The following XRN2 variants were observed in gnomAD, a reference collection of about 807,000 sequenced individuals.
XRN2 encodes DHM1-like protein.
XRN2 carries 44 observed loss-of-function variants against 138.5 expected under a neutral mutation model. The observed-to-expected ratio is 0.32, with a 90% CI of 0.25 to 0.41. XRN2 has a LOEUF of 0.41. Ranked by LOEUF, XRN2 falls within the 10% of genes least tolerant of loss-of-function variation. The probability of loss-of-function intolerance (pLI) is 1.00; values close to 1 mark genes in which losing one functional copy is unlikely to be tolerated. For synonymous variants in XRN2, 354 were observed against 369.4 expected, an observed-to-expected ratio of 0.96 and a Z score of 0.48; for missense variants, 937 against 1,169.3, an observed-to-expected ratio of 0.80 and a Z score of 2.90.
At chr20:21,336,742 G>C (rs770731040) in intron 13 of XRN2, among the ~76,000 whole-genome samples, 13 of 152,152 alleles carry the variant, frequency 8.5e-5, no homozygotes, top group Non-Finnish European at 1.8e-4. Context: ...AAGTGTTAGA[G>C]AATAAGTGCC....
chr20:21,343,817 C>CT (rs569383604), intron 15 of XRN2, among the ~76,000 whole-genome samples: 3 of 150,722 alleles, frequency 2.0e-5, no homozygotes, highest in Admixed American at 6.6e-5. Context: ...AAAATTAAAA[C>CT]TTTTTTTTTC....
rs147816598 is a variant in XRN2 at position 21,329,516 on chromosome 20, C to T, written c.427+846C>T. On this transcript the variant is annotated intron_variant, in intron 4 of 29. Coordinates refer to ENST00000377191, the MANE Select transcript of XRN2 (RefSeq NM_012255.5). ...CCATAGTATAGCCAGCTCAGGCCTGCAATTACAATAAATTTTATATTACTT... is the reference window on the plus strand; with the variant it reads ...CCATAGTATAGCCAGCTCAGGCCTGTAATTACAATAAATTTTATATTACTT... Among the ~76,000 whole-genome samples the T allele has an allele frequency of 7.6e-4, 116 of 152,284 alleles. No individual in the cohort carries two copies. The East Asian group carries it at 0.021, about 27-fold the overall frequency.
At chr20:21,325,823 G>A (rs1248435091) in intron 1 of XRN2, among the ~76,000 whole-genome samples, 1 of 152,246 alleles carries the variant, frequency 6.6e-6, no homozygotes, top group African/African-American at 2.4e-5. Context: ...CTGGAGACCA[G>A]AGAGTCTAGA....
chr20:21,334,399 T>C (rs1312711546), intron 13 of XRN2, among the ~76,000 whole-genome samples: 1 of 152,208 alleles, frequency 6.6e-6, no homozygotes, highest in Non-Finnish European at 1.5e-5. Context: ...TGAGTTGCAT[T>C]GTAATGTTTT....
chr20:21,324,471 T>C (rs1224041537), intron 1 of XRN2, among the ~76,000 whole-genome samples: 1 of 151,206 alleles, frequency 6.6e-6, no homozygotes, highest in Non-Finnish European at 1.5e-5. Flanking sequence ...TTCATAACTT[T>C]CTGTAAGTGG....
chr20:21,342,773 A>G (rs2038388572), intron 15 of XRN2, among the ~76,000 whole-genome samples: 1 of 152,228 alleles, frequency 6.6e-6, no homozygotes, highest in South Asian at 2.1e-4. Flanking sequence ...TCCCCATTTT[A>G]AGATGAGGCT....
intron 15 of XRN2, among the ~76,000 whole-genome samples, chr20:21,342,441 C>T (rs572168158): frequency 8.5e-5 from 13 of 152,110 alleles, no homozygotes; most frequent in South Asian, 2.1e-4. Flanking sequence ...GAGACAGCAG[C>T]GGAGATTTAG....
chr20:21,347,410 G>A (rs1039840079), intron 17 of XRN2, among the ~76,000 whole-genome samples: 8 of 152,254 alleles, frequency 5.3e-5, no homozygotes, highest in South Asian at 2.1e-4. Context: ...ATCTGGTTTC[G>A]TGCTTAGAGA....
intron 27 of XRN2, 97 bp downstream of exon 27, chr20:21,368,687 A>G (rs1186513675): frequency 6.8e-7 from 1 of 1,473,040 alleles, no homozygotes; most frequent in Non-Finnish European, 9.1e-7. Context: ...TTGTTGTATC[A>G]GTGCAGACAG....
chr20:21,310,105 A>G (rs1012741252), intron 1 of XRN2, among the ~76,000 whole-genome samples: 1 of 152,142 alleles, frequency 6.6e-6, no homozygotes, highest in Non-Finnish European at 1.5e-5. Flanking sequence ...TGCCTTCTAG[A>G]TATTGTTTAA....
chr20:21,337,430 G>T (rs1350352103), intron 13 of XRN2, among the ~76,000 whole-genome samples: 1 of 152,200 alleles, frequency 6.6e-6, no homozygotes, highest in Non-Finnish European at 1.5e-5. Flanking sequence ...GGAAAGACTG[G>T]GAGGTGCAAA....
intron 13 of XRN2, among the ~76,000 whole-genome samples, chr20:21,336,778 A>C (rs950537258): frequency 6.6e-6 from 1 of 152,320 alleles, no homozygotes. Context: ...GCAGGTGAGG[A>C]GGCATCTGGG....
chr20:21,366,552 C>T (rs958547057), intron 26 of XRN2, among the ~76,000 whole-genome samples: 4 of 149,496 alleles, frequency 2.7e-5, no homozygotes, highest in South Asian at 2.1e-4. Context: ...GGGAGACTTC[C>T]GTCTCAACCA....
rs930806649 is a variant in XRN2 at position 21,356,767 on chromosome 20, A to G, written c.2198+102A>G. The stretch of plus-strand genomic sequence containing the variant: ...TTTATTTTCTAATAATAGTGAGAAA[A>G]TTGTATTTAAAATAAGACAAAACCT... On this transcript the variant is annotated intron_variant, in intron 23 of 29. Transcript: ENST00000377191. 10 of 1,021,274 alleles carry G rather than the reference A, an allele frequency of 9.8e-6. No homozygotes were observed. In the South Asian group the frequency reaches 1.5e-4, roughly 15 times the overall value. The allele number at this position is 1,021,274 out of a possible 1,614,324, so 63.3% of individuals were successfully genotyped here.
intron 16 of XRN2, 127 bp from the exon 17 acceptor site, chr20:21,346,288 A>G: frequency 2.4e-6 from 3 of 1,224,736 alleles, no homozygotes; most frequent in East Asian, 2.3e-5. Context: ...CTGTGTTAGC[A>G]TGACTGTTTA....
Position 21,389,399 on chromosome 20 carries a change from A to G in XRN2, c.*61A>G. ...CTACAGTTTTATGCTATTTGTGGAA[A>G]GATTTCTTTCTCAAGTAGTAGTTTT... is the stretch of plus-strand genomic sequence containing the variant. On this transcript the variant is annotated 3_prime_UTR_variant, in exon 30 of 30. Coordinates refer to ENST00000377191, the MANE Select transcript of XRN2 (RefSeq NM_012255.5). 1.3e-6 allele frequency: 2 copies of G among 1,506,016 alleles called. No individual in the cohort carries two copies. Among genetic ancestry groups the G allele is most frequent in the Admixed American group, 2.0e-5 (1 of 50,044 alleles). 93.3% of individuals were successfully genotyped at this position (1,506,016 alleles called of 1,614,324 possible).
Position 21,385,584 on chromosome 20 carries a change from A to G in XRN2, c.2649-1284A>G, listed in dbSNP as rs189960713. 6.6e-5 allele frequency among the ~76,000 whole-genome samples: 10 copies of G among 152,318 alleles called. No homozygotes were observed. The East Asian group carries it at 1.2e-3, about 18-fold the overall frequency. On this transcript the variant is annotated intron_variant, in intron 28 of 29. Transcript: ENST00000377191. ...TTTCAGCTACCAACTGTAAAGAAAA[A>G]CTTTAGCCTTTCTAGAGTTCTTTAG... is the stretch of plus-strand genomic sequence containing the variant.
At chr20:21,345,940 AT>A (rs11474999) in intron 16 of XRN2, among the ~76,000 whole-genome samples, 103,154 of 152,046 alleles carry the variant, frequency 0.68, 35,736 homozygotes, top group South Asian at 0.84. Context: ...TTTATAAACT[AT>A]TTTTTTACAT....
chr20:21,380,092 A>G (rs115846995), intron 27 of XRN2, among the ~76,000 whole-genome samples: 416 of 152,314 alleles, frequency 2.7e-3, no homozygotes, highest in African/African-American at 9.6e-3. Flanking sequence ...CAAGCACAAT[A>G]TGGAATTAAG....
Sources: allele counts gnomAD v4.1 joint callset (sites outside exome capture counted in the v4.1 genomes callset), GRCh38; gene constraint gnomAD v4.1.1; transcripts MANE v1.5; gene names NCBI Gene and HGNC (gene_info 2026-07-23, HGNC 2026-07-21).